SP7: variants seen among roughly 807,000 people sequenced by gnomAD.
SP7 encodes transcription factor Sp7.
In SP7, 13 loss-of-function variants were observed where a neutral mutation model predicts 27.9. The observed-to-expected ratio is 0.47, with a 90% confidence interval of 0.30 to 0.74. The LOEUF (loss-of-function observed/expected upper bound fraction) is 0.74. SP7 is among the 30% of genes least tolerant of loss of function. The pLI is 0.06. For synonymous variants in SP7, 219 were observed against 226.7 expected, an observed-to-expected ratio of 0.97 and a Z score of 0.31; for missense variants, 525 against 558.0, an observed-to-expected ratio of 0.94 and a Z score of 0.60.
chr12:53,335,247 T>G (rs1236942605), intron 2 of SP7, among the ~76,000 whole-genome samples: 1 of 151,912 alleles, frequency 6.6e-6, no homozygotes, highest in Non-Finnish European at 1.5e-5. Context: ...CTTCTATCTC[T>G]TCTGCCAGCT....
intron 2 of SP7, among the ~76,000 whole-genome samples, chr12:53,335,068 C>T (rs1341982755): frequency 6.6e-6 from 1 of 152,170 alleles, no homozygotes; most frequent in South Asian, 2.1e-4. Context: ...CTGGCCTCCT[C>T]CTTTCTCTCA....
In SP7 at chr12:53,329,316, T is replaced by G; in HGVS notation, c.126A>C (p.Ala42=). ...PLRDSTTLGK[A]GTKKPYSVGS... Reference sequence around the variant, plus strand: ...CCACAGAGTACGGCTTCTTTGTGCCTGCTTTGCCCAGAGTTGTTGAGTCCC... The same window carrying G: ...CCACAGAGTACGGCTTCTTTGTGCCGGCTTTGCCCAGAGTTGTTGAGTCCC... The change falls in exon 3 of 3, where the codon GCA becomes GCC. Residue 42 remains alanine (A), a synonymous_variant. Coordinates refer to ENST00000536324, the MANE Select transcript of SP7 (RefSeq NM_001173467.3). 6.2e-7 allele frequency: 1 copy of G among 1,613,980 alleles called. No individual in the cohort carries two copies.
At chr12:53,335,056 G>A (rs1944751112) in intron 2 of SP7, among the ~76,000 whole-genome samples, 1 of 152,136 alleles carries the variant, frequency 6.6e-6, no homozygotes, top group African/African-American at 2.4e-5. Context: ...CACAGGCACA[G>A]GCTGGCCTCC....
upstream of SP7, among the ~76,000 whole-genome samples, chr12:53,338,328 G>T (rs966339132): frequency 6.6e-6 from 1 of 152,088 alleles, no homozygotes; most frequent in East Asian, 1.9e-4. Flanking sequence ...GGCTTTCCGG[G>T]GCCCCGAACT....
At chr12:53,342,198 G>C (rs2136855068) in intron 1 of SP7, among the ~76,000 whole-genome samples, 1 of 152,076 alleles carries the variant, frequency 6.6e-6, no homozygotes, top group East Asian at 1.9e-4. Context: ...AGAAGGCAGA[G>C]ATTGCAGTGA....
upstream of SP7, among the ~76,000 whole-genome samples, chr12:53,338,635 G>C (rs1203264521): frequency 6.6e-6 from 1 of 152,066 alleles, no homozygotes; most frequent in Non-Finnish European, 1.5e-5. Flanking sequence ...AACCCTACCC[G>C]GGAAGGGGCA....
chr12:53,334,535 T>G (rs1457380787), intron 2 of SP7, among the ~76,000 whole-genome samples: 1 of 152,132 alleles, frequency 6.6e-6, no homozygotes, highest in Non-Finnish European at 1.5e-5. Flanking sequence ...GGGCCTGAGC[T>G]AGGGCACTGG....
At chr12:53,336,104 C>A (rs2136847860) in intron 1 of SP7, 42 bp downstream of exon 1, 1 of 177,440 alleles carries the variant, frequency 5.6e-6, no homozygotes, top group East Asian at 1.5e-4. Context: ...GTCCCATAGG[C>A]ATCTGTGGGC....
rs976636265 is a variant in SP7, at chr12:53,327,036, C to T, written c.*1110G>A. 9.2e-5 allele frequency: 14 copies of T among 152,448 alleles called. No individual in the cohort carries two copies. Among genetic ancestry groups the T allele is most frequent in the Non-Finnish European group, 1.9e-4 (13 of 68,044 alleles). The allele number at this position is 152,448 out of a possible 1,614,324, so 9.4% of individuals were successfully genotyped here. On this transcript the variant is annotated 3_prime_UTR_variant, in exon 3 of 3. Transcript: ENST00000536324. ...GTTAGATGGGCTTCCCCAAAGAGCA[C>T]ATCTAAGATGGCAGCTGCAAGCTCT... is the stretch of plus-strand genomic sequence containing the variant.
rs1944848599 is a variant in SP7, at chr12:53,344,680, A to T, written c.-34+434T>A. Reference sequence around the variant, plus strand: ...GCCCCCAGCCACAGCTGTGGGGGAGATAGGCACCCTCAGAAGGACAGGACA... The same window carrying T: ...GCCCCCAGCCACAGCTGTGGGGGAGTTAGGCACCCTCAGAAGGACAGGACA... On this transcript the variant is annotated intron_variant, in intron 1 of 1. Transcript: ENST00000547755. The surrounding 1 kb of genome is among the most constrained non-coding windows in gnomAD (Gnocchi z 4.6). 6.6e-6 allele frequency among the ~76,000 whole-genome samples: 1 copy of T among 151,998 alleles called. No individual in the cohort carries two copies. Among genetic ancestry groups the T allele is most frequent in the African/African-American group, 2.4e-5 (1 of 41,386 alleles).
intron 2 of SP7, among the ~76,000 whole-genome samples, chr12:53,334,553 G>A (rs900997472): frequency 6.6e-6 from 1 of 152,230 alleles, no homozygotes; most frequent in Non-Finnish European, 1.5e-5. Context: ...TGGGAAGAGA[G>A]ATGTGGGACC....
In SP7 at chr12:53,328,557, G is replaced by A; in HGVS notation, c.885C>T (p.Ser295=). The part of the protein sequence containing the change: ...AAGLRKKPIH[S]CHIPGCGKVY... ...CCTTGCCGCAGCCAGGGATGTGGCA[G>A]CTGTGGATGGGCTTCTTCCGCAGCC... The change falls in exon 3 of 3, where the codon AGC becomes AGT. Residue 295 remains serine (S), a synonymous_variant. Coordinates refer to ENST00000536324, the MANE Select transcript of SP7 (RefSeq NM_001173467.3). This position sits in a 1 kb window ranked among gnomAD's most constrained non-coding sequence, Gnocchi z 5.1. 6.2e-7 allele frequency: 1 copy of A among 1,611,984 alleles called. No individual in the cohort carries two copies. The highest frequency in any genetic ancestry group is 2.2e-5 in the East Asian group (1 of 44,816).
upstream of SP7, among the ~76,000 whole-genome samples, chr12:53,340,511 C>A (rs1216800295): frequency 6.6e-6 from 1 of 152,182 alleles, no homozygotes; most frequent in African/African-American, 2.4e-5. Context: ...ATGGCCCCAG[C>A]GAACTCCCTG....
upstream of SP7, among the ~76,000 whole-genome samples, chr12:53,336,640 A>G (rs1353903773): frequency 6.6e-6 from 1 of 151,914 alleles, no homozygotes; most frequent in Non-Finnish European, 1.5e-5. Context: ...AGGCACACGC[A>G]CCACACCCGC....
chr12:53,327,934 T>G lies in SP7; in HGVS notation c.*212A>C. 1.8e-6 allele frequency: 1 copy of G among 541,996 alleles called. No homozygotes were observed. Among genetic ancestry groups the G allele is most frequent in the African/African-American group, 1.9e-5 (1 of 51,718 alleles). 33.6% of individuals were successfully genotyped at this position (541,996 alleles called of 1,614,324 possible). On this transcript the variant is annotated 3_prime_UTR_variant, in exon 3 of 3. Coordinates refer to ENST00000536324, the MANE Select transcript of SP7 (RefSeq NM_001173467.3). ...CAAGGGGAGGGCCTGAGATGAGAGT[T>G]TGTGGAAAGCCAGTCTCATGGTGAA...
chr12:53,331,174 T>C (rs894078911), intron 2 of SP7, among the ~76,000 whole-genome samples: 178 of 152,024 alleles, frequency 1.2e-3, no homozygotes, highest in African/African-American at 4.2e-3. Flanking sequence ...CTTTTAGAAA[T>C]GCAAGGGTAT....
Position 53,329,334 on chromosome 12 carries a change from T to C in SP7, c.108A>G (p.Ser36=). Residue 36 remains serine (S), a synonymous_variant, in exon 3 of 3, where the codon TCA becomes TCG. Transcript: ENST00000536324. ...TTGTGCCTGCTTTGCCCAGAGTTGT[T>C]GAGTCCCGCAGAGGGCTAGAGCCAC... is the stretch of plus-strand genomic sequence containing the variant. ...KFGGSSPLRD[S]TTLGKAGTKK... is the part of the protein sequence containing the mutation. 1 of 1,613,982 alleles carries C rather than the reference T, an allele frequency of 6.2e-7. No individual in the cohort carries two copies. Among genetic ancestry groups the C allele is most frequent in the Non-Finnish European group, 8.5e-7 (1 of 1,179,884 alleles).
chr12:53,342,274 T>A (rs1944831004), intron 1 of SP7, among the ~76,000 whole-genome samples: 1 of 151,580 alleles, frequency 6.6e-6, no homozygotes, highest in African/African-American at 2.4e-5. Context: ...AAAAAAAAAA[T>A]TCCTAAATAC....
chr12:53,335,201 T>G (rs868765404), intron 2 of SP7, among the ~76,000 whole-genome samples: 3 of 152,076 alleles, frequency 2.0e-5, no homozygotes, highest in South Asian at 2.1e-4. Flanking sequence ...CTATACCCAG[T>G]TGCTGCTCTG....
Sources: allele counts gnomAD v4.1 joint callset (sites outside exome capture counted in the v4.1 genomes callset), GRCh38; gene constraint gnomAD v4.1.1; non-coding constraint Gnocchi (gnomAD v3.1); transcripts MANE v1.5; gene names NCBI Gene and HGNC (gene_info 2026-07-23, HGNC 2026-07-21).